Variants in UBE2H observed in about 807,000 individuals in gnomAD.
The protein encoded by UBE2H is ubiquitin conjugating enzyme E2 H, also known as ubiquitin-conjugating enzyme E2 H.
In UBE2H, 3 loss-of-function variants were observed where a neutral mutation model predicts 29.0. That is an observed-to-expected ratio of 0.10 (90% CI 0.05 to 0.27). UBE2H has a LOEUF of 0.27. UBE2H is among the 10% of genes least tolerant of loss of function. UBE2H has a pLI of 1.00. For missense variants in UBE2H, 68 were observed against 228.2 expected (o/e 0.30, Z 4.52); for synonymous variants, 69 against 82.9 (o/e 0.83, Z 0.91).
At chr7:129,942,764 TCA>T (rs1372344087) in intron 1 of UBE2H, among the ~76,000 whole-genome samples, 3 of 152,040 alleles carry the variant, frequency 2.0e-5, no homozygotes, top group Non-Finnish European at 2.9e-5. Flanking sequence ...GCTTACCTAT[TCA>T]CAAAGATATA....
At chr7:129,865,130 G>A in intron 3 of UBE2H, 1 of 391,646 alleles carries the variant, frequency 2.6e-6, no homozygotes, top group Non-Finnish European at 5.0e-6. Flanking sequence ...AAAATAAAAA[G>A]TACAGATTAC....
In UBE2H at chr7:129,937,114, G is replaced by A. The variant is rs573511223; in HGVS notation, c.53+15389C>T. 2.0e-5 allele frequency among the ~76,000 whole-genome samples: 3 copies of A among 152,118 alleles called. No homozygotes were observed. The South Asian group carries it at 6.2e-4, about 32-fold the overall frequency. On this transcript the variant is annotated intron_variant, in intron 1 of 6. Coordinates refer to ENST00000355621, the MANE Select transcript of UBE2H (RefSeq NM_003344.4). ...GGAGGCTGAGGCGGATGGATCACGA[G>A]GTCAGGAGATCGAGACCATCCTGGC...
In UBE2H at chr7:129,944,708, C is replaced by T. The variant is rs540025452; in HGVS notation, c.53+7795G>A. 1.3e-4 allele frequency among the ~76,000 whole-genome samples: 17 copies of T among 134,728 alleles called. No individual in the cohort carries two copies. The South Asian group carries it at 2.8e-3, about 22-fold the overall frequency. The allele number at this position is 134,728 out of a possible 152,430, so 88.4% of individuals were successfully genotyped here. ...GTCTCAAAACACACACGTGCGCATGCGCTCAAAACACACACACACACACAC... is the reference window on the plus strand; with the variant it reads ...GTCTCAAAACACACACGTGCGCATGTGCTCAAAACACACACACACACACAC... On this transcript the variant is annotated intron_variant, in intron 1 of 6. Coordinates refer to ENST00000355621, the MANE Select transcript of UBE2H (RefSeq NM_003344.4).
In UBE2H at chr7:129,836,879, C is replaced by CAAAAAAAAAAAAAAAAAAAAAAAA. The variant is rs61226846; in HGVS notation, c.428-1842_428-1819dup. Among the ~76,000 whole-genome samples, 97 of 73,728 alleles carry CAAAAAAAAAAAAAAAAAAAAAAAA rather than the reference C, an allele frequency of 1.3e-3. 6 individuals are homozygous for CAAAAAAAAAAAAAAAAAAAAAAAA. Among genetic ancestry groups the CAAAAAAAAAAAAAAAAAAAAAAAA allele is most frequent in the Non-Finnish European group, 1.7e-3 (64 of 38,356 alleles). 48.4% of individuals were successfully genotyped at this position (73,728 alleles called of 152,430 possible). A position where few individuals can be genotyped will look rare whatever the true frequency, so the allele number is the denominator to read the frequency against. ...TAGGCGACAGGGCAAGACTCCGTCT[C>CAAAAAAAAAAAAAAAAAAAAAAAA]AAAAAAAAAAAAAAAAAAAAAAAAA... On this transcript the variant is annotated intron_variant, in intron 6 of 6. Coordinates refer to ENST00000355621, the MANE Select transcript of UBE2H (RefSeq NM_003344.4).
intron 1 of UBE2H, among the ~76,000 whole-genome samples, chr7:129,908,623 T>C (rs1806867766): frequency 6.6e-6 from 1 of 152,184 alleles, no homozygotes; most frequent in African/African-American, 2.4e-5. Flanking sequence ...GAATAAAAAG[T>C]TTCTTCTTTA....
intron 1 of UBE2H, among the ~76,000 whole-genome samples, chr7:129,893,176 C>T (rs559026044): frequency 1.3e-5 from 2 of 152,282 alleles, no homozygotes; most frequent in South Asian, 2.1e-4. Context: ...ACCTAGCAGA[C>T]TAAATCAGTC....
intron 1 of UBE2H, among the ~76,000 whole-genome samples, chr7:129,928,460 G>A (rs528977825): frequency 4.6e-5 from 7 of 152,156 alleles, no homozygotes; most frequent in Middle Eastern, 3.4e-3. Context: ...AAAATTAGCC[G>A]GGTGTGGTGG....
intron 1 of UBE2H, among the ~76,000 whole-genome samples, chr7:129,929,818 T>G (rs994643611): frequency 6.6e-6 from 1 of 152,166 alleles, no homozygotes; most frequent in African/African-American, 2.4e-5. Flanking sequence ...GAGACCAGCC[T>G]GGCCAACATG....
rs1476934074 is a variant in UBE2H, at chr7:129,834,279, G to A, written c.*658C>T. ...TCTCCAACAGAACACTGTGGCTGCA[G>A]GGCCTGGTAGTGTGAAGGGCAGCAA... On this transcript the variant is annotated 3_prime_UTR_variant, in exon 7 of 7. Transcript: ENST00000355621. 2.0e-5 allele frequency: 3 copies of A among 152,216 alleles called. No individual in the cohort carries two copies. Among genetic ancestry groups the A allele is most frequent in the Admixed American group, 6.5e-5 (1 of 15,292 alleles). The allele number at this position is 152,216 out of a possible 1,614,324, so 9.4% of individuals were successfully genotyped here. A position where few individuals can be genotyped will look rare whatever the true frequency, so the allele number is the denominator to read the frequency against.
At position 129,834,755 on chromosome 7, in the gene UBE2H, T is replaced by C. The variant is rs188151314; in HGVS notation, c.*182A>G. 8.0e-4 allele frequency: 569 copies of C among 708,940 alleles called. 8 individuals are homozygous for C. In the East Asian group the frequency reaches 0.012, roughly 15 times the overall value. 43.9% of individuals were successfully genotyped at this position (708,940 alleles called of 1,614,324 possible). On this transcript the variant is annotated 3_prime_UTR_variant, in exon 7 of 7. Transcript: ENST00000355621. Reference sequence around the variant, plus strand: ...GTGGGAATATGCTATGCACCTCAGGTTGAGAAATGACCAAGAAATCAAGAT... The same window carrying C: ...GTGGGAATATGCTATGCACCTCAGGCTGAGAAATGACCAAGAAATCAAGAT...
intron 1 of UBE2H, among the ~76,000 whole-genome samples, chr7:129,905,306 G>A (rs1447479194): frequency 6.6e-6 from 1 of 151,844 alleles, no homozygotes; most frequent in African/African-American, 2.4e-5. Flanking sequence ...ACGATGAGAT[G>A]GTGGTATCAT....
intron 1 of UBE2H, among the ~76,000 whole-genome samples, chr7:129,932,805 C>G (rs1807437139): frequency 7.5e-6 from 1 of 132,652 alleles, no homozygotes; most frequent in African/African-American, 2.8e-5. Flanking sequence ...AAAGTCCTGT[C>G]AGAACTGTCT....
intron 3 of UBE2H, among the ~76,000 whole-genome samples, chr7:129,864,137 A>G (rs1805852487): frequency 6.6e-6 from 1 of 152,184 alleles, no homozygotes; most frequent in South Asian, 2.1e-4. Context: ...AAATACATGG[A>G]AAAAAGCATA....
chr7:129,894,217 G>A (rs1806555929), intron 1 of UBE2H, among the ~76,000 whole-genome samples: 1 of 152,136 alleles, frequency 6.6e-6, no homozygotes, highest in Non-Finnish European at 1.5e-5. Context: ...ATTTTAGGAG[G>A]TGAAAGCAGG....
At chr7:129,895,924 G>A (rs1020563966) in intron 1 of UBE2H, among the ~76,000 whole-genome samples, 1 of 152,076 alleles carries the variant, frequency 6.6e-6, no homozygotes, top group African/African-American at 2.4e-5. Context: ...GGCGGTATGT[G>A]TCTTTGCTAT....
At chr7:129,868,351 C>G (rs550613379) in intron 3 of UBE2H, among the ~76,000 whole-genome samples, 2 of 151,850 alleles carry the variant, frequency 1.3e-5, no homozygotes, top group Non-Finnish European at 2.9e-5. Flanking sequence ...GAGGCCGAGG[C>G]GGGTGGATCA....
intron 5 of UBE2H, among the ~76,000 whole-genome samples, chr7:129,852,879 C>T (rs1805636835): frequency 6.6e-6 from 1 of 152,122 alleles, no homozygotes; most frequent in African/African-American, 2.4e-5. Flanking sequence ...GTATGCGCCA[C>T]CACGCCTGGC....
At chr7:129,934,782 T>A (rs904149146) in intron 1 of UBE2H, among the ~76,000 whole-genome samples, 3 of 150,474 alleles carry the variant, frequency 2.0e-5, no homozygotes, top group African/African-American at 4.9e-5. Context: ...ATAAAAATTT[T>A]AAAAAACAGT....
intron 5 of UBE2H, chr7:129,839,706 T>G (rs909048154): frequency 5.5e-5 from 14 of 253,260 alleles, no homozygotes; most frequent in Admixed American, 1.2e-4. Context: ...TTTTGTGGGG[T>G]TTTTTTGTTT....
Sources: allele counts gnomAD v4.1 joint callset (sites outside exome capture counted in the v4.1 genomes callset), GRCh38; gene constraint gnomAD v4.1.1; transcripts MANE v1.5; gene names NCBI Gene and HGNC (gene_info 2026-07-23, HGNC 2026-07-21).